Variants in GLIPR1 observed in about 807,000 individuals in gnomAD.
The protein encoded by GLIPR1 is glioma pathogenesis-related protein 1.
A neutral mutation model predicts 30.3 loss-of-function variants in GLIPR1; 38 were observed. The ratio of observed to expected loss-of-function variants is 1.26; its 90% CI spans 0.97 to 1.65. The LOEUF (loss-of-function observed/expected upper bound fraction) is 1.65, where lower values mean the gene tolerates loss of function less well. Among genes scored for constraint, GLIPR1 ranks in the 40% most tolerant of loss-of-function variants. The pLI is 0.00. For missense variants in GLIPR1, 285 were observed against 326.5 expected, an observed-to-expected ratio of 0.87 and a Z score of 0.98; for synonymous variants, 122 against 110.6, an observed-to-expected ratio of 1.10 and a Z score of -0.65.
At chr12:75,481,407 A>AGGT (rs2046270432) in intron 1 of GLIPR1, 2 of 208,796 alleles carry the variant, frequency 9.6e-6, no homozygotes, top group Admixed American at 1.2e-4. Flanking sequence ...TGCTGCTGAC[A>AGGT]AAGTACTGAG....
intron 4 of GLIPR1, chr12:75,498,188 T>C (rs1271685261): frequency 2.0e-5 from 3 of 152,272 alleles, no homozygotes; most frequent in Non-Finnish European, 4.4e-5. Flanking sequence ...TTGTCAAAAT[T>C]TGAATAAAGC....
At chr12:75,495,457 ACT>A in intron 3 of GLIPR1, 118 bp from the exon 4 acceptor site, 1 of 603,594 alleles carries the variant, frequency 1.7e-6, no homozygotes, top group South Asian at 2.1e-5. Context: ...TCTATTACCA[ACT>A]CTCTGGACCT....
chr12:75,496,350 A>G (rs1189337710), intron 4 of GLIPR1: 1 of 151,980 alleles, frequency 6.6e-6, no homozygotes, highest in Non-Finnish European at 1.5e-5. Context: ...GTGAGGGTCT[A>G]TCTCCAAAAA....
intron 2 of GLIPR1, among the ~76,000 whole-genome samples, chr12:75,483,253 G>A (rs2046279528): frequency 6.6e-6 from 1 of 152,214 alleles, no homozygotes; most frequent in Non-Finnish European, 1.5e-5. Context: ...ACCTAGGGGA[G>A]TAGAAAGCTA....
intron 2 of GLIPR1, among the ~76,000 whole-genome samples, chr12:75,482,415 A>C (rs990511124): frequency 4.6e-5 from 7 of 152,194 alleles, no homozygotes; most frequent in African/African-American, 1.7e-4. Flanking sequence ...TGAGTTTTAA[A>C]TGAAATTTGA....
intron 4 of GLIPR1, chr12:75,496,182 C>T (rs1359396607): frequency 6.6e-6 from 1 of 151,776 alleles, no homozygotes; most frequent in Non-Finnish European, 1.5e-5. Context: ...ATGGCAAAAA[C>T]CCCCTCTACT....
chr12:75,494,784 T>C (rs950916843), intron 3 of GLIPR1: 1 of 152,226 alleles, frequency 6.6e-6, no homozygotes. Context: ...AGGATATTTA[T>C]GGGGATATAA....
intron 4 of GLIPR1, chr12:75,496,277 C>T (rs1234601382): frequency 1.3e-5 from 2 of 152,050 alleles, no homozygotes; most frequent in Non-Finnish European, 2.9e-5. Flanking sequence ...ATCACTTGAG[C>T]CCAGGAGGTG....
At position 75,499,791 on chromosome 12, in the gene GLIPR1, C is replaced by A. The variant is rs1433626268; in HGVS notation, c.*813C>A. The A allele has an allele frequency of 3.8e-6, 6 of 1,576,910 alleles. No homozygotes were observed. In the African/African-American group the frequency reaches 4.1e-5, roughly 11 times the overall value. On this transcript the variant is annotated 3_prime_UTR_variant, in exon 6 of 6. Transcript: ENST00000266659. ...CTTTACAAAAGGAGATAGTTCTAGTCAAGGAGTTTTGGGTATGTTACTTTT... is the reference window on the plus strand; with the variant it reads ...CTTTACAAAAGGAGATAGTTCTAGTAAAGGAGTTTTGGGTATGTTACTTTT...
rs767924211 is a variant in GLIPR1 at position 75,502,047 on chromosome 12, G to A, written c.*3069G>A. Reference sequence around the variant, plus strand: ...ATTACATCAGAAATAATGTAGAGGAGAAGTCATGTCCTAAGCAAGTCACAA... The same window carrying A: ...ATTACATCAGAAATAATGTAGAGGAAAAGTCATGTCCTAAGCAAGTCACAA... On this transcript the variant is annotated 3_prime_UTR_variant, in exon 6 of 6. Transcript: ENST00000266659. The A allele has an allele frequency of 6.8e-7, 1 of 1,469,948 alleles. No homozygotes were observed. Among genetic ancestry groups the A allele is most frequent in the Non-Finnish European group, 9.5e-7 (1 of 1,054,610 alleles). 91.1% of individuals were successfully genotyped at this position (1,469,948 alleles called of 1,614,324 possible).
chr12:75,495,068 GA>G (rs2046342394), intron 3 of GLIPR1: 1 of 152,046 alleles, frequency 6.6e-6, no homozygotes, highest in South Asian at 2.1e-4. Context: ...TATTTTTTTG[GA>G]AGGCACCAGC....
At chr12:75,486,573 A>G (rs1366633500) in intron 2 of GLIPR1, among the ~76,000 whole-genome samples, 1 of 152,148 alleles carries the variant, frequency 6.6e-6, no homozygotes, top group African/African-American at 2.4e-5. Flanking sequence ...TTAACCAAAA[A>G]CCAGAGTGCC....
rs1397563269 is a variant in GLIPR1, at chr12:75,502,652, C to T, written c.*3674C>T. The T allele has an allele frequency of 1.3e-5, 2 of 152,052 alleles. No individual in the cohort carries two copies. The highest frequency in any genetic ancestry group is 3.9e-4 in the East Asian group (2 of 5,192). The allele number at this position is 152,052 out of a possible 1,614,324, so 9.4% of individuals were successfully genotyped here. A position where few individuals can be genotyped will look rare whatever the true frequency, so the allele number is the denominator to read the frequency against. On this transcript the variant is annotated 3_prime_UTR_variant, in exon 6 of 6. Coordinates refer to ENST00000266659, the MANE Select transcript of GLIPR1 (RefSeq NM_006851.3). ...TTCTTTAAGATAGGTATTACCATTA[C>T]TCCCACTTTAGGTATGGGGAAACTT...
chr12:75,503,848 A>C lies in GLIPR1; in HGVS notation c.*4870A>C. ...TGAAATACTTTCAATAAAGTTTCTG[A>C]CCAAATACATTAAAATAGATTCTCC... On this transcript the variant is annotated 3_prime_UTR_variant, in exon 6 of 6. Coordinates refer to ENST00000266659, the MANE Select transcript of GLIPR1 (RefSeq NM_006851.3). 6.8e-7 allele frequency: 1 copy of C among 1,473,910 alleles called. No homozygotes were observed. The highest frequency in any genetic ancestry group is 9.2e-7 in the Non-Finnish European group (1 of 1,084,392). The allele number at this position is 1,473,910 out of a possible 1,614,324, so 91.3% of individuals were successfully genotyped here.
chr12:75,496,576 T>G (rs2046352935), intron 4 of GLIPR1: 1 of 152,134 alleles, frequency 6.6e-6, no homozygotes, highest in Non-Finnish European at 1.5e-5. Context: ...AGTATGTTTT[T>G]TTACCATGGT....
At chr12:75,487,319 A>G (rs1393424014) in intron 2 of GLIPR1, among the ~76,000 whole-genome samples, 1 of 152,226 alleles carries the variant, frequency 6.6e-6, no homozygotes, top group Non-Finnish European at 1.5e-5. Context: ...CCCACATAAA[A>G]TCACTTGAGA....
intron 2 of GLIPR1, among the ~76,000 whole-genome samples, chr12:75,482,936 G>T (rs1282322475): frequency 6.6e-6 from 1 of 151,834 alleles, no homozygotes; most frequent in African/African-American, 2.4e-5. Context: ...GACTGTTTTG[G>T]GGCACAAAAA....
intron 3 of GLIPR1, 65 bp from the exon 4 acceptor site, chr12:75,495,511 TC>T: frequency 1.3e-6 from 1 of 793,906 alleles, no homozygotes; most frequent in Non-Finnish European, 2.2e-6. Flanking sequence ...AGTTAAGGAT[TC>T]ATAGTAAATT....
chr12:75,481,682 T>C, intron 1 of GLIPR1, 152 bp from the exon 2 acceptor site: 1 of 691,124 alleles, frequency 1.4e-6, no homozygotes. Flanking sequence ...CTACCAGCCC[T>C]ACTCAGTGCT....
Sources: gnomAD v4.1 joint callset for allele counts (sites outside exome capture counted in the v4.1 genomes callset) on GRCh38, gnomAD v4.1.1 for gene constraint, MANE v1.5 for transcripts, NCBI Gene and HGNC (gene_info 2026-07-23, HGNC 2026-07-21) for gene names.